TMEM116: variants seen among roughly 807,000 people sequenced by gnomAD.
TMEM116 encodes the protein transmembrane protein 116.
In TMEM116, 38 loss-of-function variants were observed where a neutral mutation model predicts 44.3. The ratio of observed to expected loss-of-function variants is 0.86; its 90% confidence interval spans 0.66 to 1.12. The LOEUF (loss-of-function observed/expected upper bound fraction) is 1.12, where lower values mean the gene tolerates loss of function less well. TMEM116 is among the 50% of genes most tolerant of loss of function. The pLI, the probability that TMEM116 is intolerant of heterozygous loss-of-function variation, is 0.00. For missense variants in TMEM116, 354 were observed against 401.7 expected (o/e 0.88, Z 1.01); for synonymous variants, 132 against 144.8 (o/e 0.91, Z 0.64).
intron 4 of TMEM116, among the ~76,000 whole-genome samples, chr12:111,963,507 G>A (rs1444251053): frequency 2.0e-5 from 3 of 152,180 alleles, no homozygotes; most frequent in Non-Finnish European, 4.4e-5. Flanking sequence ...AAAGGGATGA[G>A]TTTATGTCCT....
intron 3 of TMEM116, among the ~76,000 whole-genome samples, chr12:111,996,604 A>C (rs1408010552): frequency 6.6e-6 from 1 of 152,212 alleles, no homozygotes; most frequent in Non-Finnish European, 1.5e-5. Flanking sequence ...AAAGAGTTTG[A>C]CATTAATTTA....
chr12:111,992,958 G>A (rs1184214704), intron 3 of TMEM116: 1 of 154,814 alleles, frequency 6.5e-6, no homozygotes, highest in East Asian at 1.9e-4. Context: ...CAATCCAAGG[G>A]AGTAACAGTG....
At chr12:111,963,867 A>G (rs2074792193) in intron 4 of TMEM116, among the ~76,000 whole-genome samples, 4 of 152,200 alleles carry the variant, frequency 2.6e-5, no homozygotes, top group African/African-American at 4.8e-5. Flanking sequence ...TTAGTTTTTC[A>G]TATGATTAAA....
intron 4 of TMEM116, among the ~76,000 whole-genome samples, chr12:111,969,892 T>A (rs902645251): frequency 1.3e-5 from 2 of 152,140 alleles, no homozygotes; most frequent in African/African-American, 2.4e-5. Flanking sequence ...AGATTTTTTT[T>A]AAATCTCTAA....
intron 9 of TMEM116, among the ~76,000 whole-genome samples, chr12:111,933,559 G>A (rs2071846899): frequency 6.7e-6 from 1 of 149,804 alleles, no homozygotes; most frequent in African/African-American, 2.5e-5. Context: ...TGCAATCTTG[G>A]CTCACTGCAA....
intron 4 of TMEM116, among the ~76,000 whole-genome samples, chr12:111,947,439 T>TTATA (rs2073376250): frequency 6.6e-6 from 1 of 152,212 alleles, no homozygotes; most frequent in South Asian, 2.1e-4. Context: ...AGATGTCAAA[T>TTATA]TATATGGAAA....
At position 111,975,327 on chromosome 12, in the gene TMEM116, A is replaced by ATT. The variant is rs60077794; in HGVS notation, c.210+16429_210+16430dup. Among the ~76,000 whole-genome samples the ATT allele has an allele frequency of 5.3e-5, 8 of 151,366 alleles. No individual in the cohort carries two copies. In the East Asian group the frequency reaches 9.7e-4, roughly 18 times the overall value. ...GCAAGCCCAGCTTATATATACAAAC[A>ATT]TTTTTTTTTGTAGAGACAGGGTCTC... On this transcript the variant is annotated intron_variant, in intron 4 of 10. Coordinates refer to ENST00000552374, the MANE Select transcript of TMEM116 (RefSeq NM_001193531.2).
chr12:111,933,607 G>C (rs1479167697), intron 9 of TMEM116, among the ~76,000 whole-genome samples: 1 of 150,212 alleles, frequency 6.7e-6, no homozygotes, highest in African/African-American at 2.5e-5. Context: ...TCCTGCCTCA[G>C]CCTCCCAAGT....
rs142590277 is a variant in TMEM116 at position 111,954,857 on chromosome 12, G to A, written c.211-11488C>T. On this transcript the variant is annotated intron_variant, in intron 4 of 10. Transcript: ENST00000552374. ...GGAAAGGCTGACTGGGACAGTGTCT[G>A]GCATTGTTTTTTCTGTATCTTGTTT... 2.7e-3 allele frequency among the ~76,000 whole-genome samples: 404 copies of A among 152,320 alleles called. 6 individuals carry two copies. The highest frequency in any genetic ancestry group is 9.5e-3 in the African/African-American group (395 of 41,566).
chr12:111,941,916 A>T (rs1337064630), intron 5 of TMEM116, among the ~76,000 whole-genome samples: 3 of 152,040 alleles, frequency 2.0e-5, no homozygotes, highest in Non-Finnish European at 4.4e-5. Flanking sequence ...GATCACATAG[A>T]CTAACATTTC....
At chr12:111,949,470 A>C (rs985444182) in intron 4 of TMEM116, among the ~76,000 whole-genome samples, 3 of 152,332 alleles carry the variant, frequency 2.0e-5, no homozygotes. Context: ...TTGGCTTCCT[A>C]GACTTAAGAA....
chr12:111,999,210 T>G (rs1236045024), intron 3 of TMEM116, among the ~76,000 whole-genome samples: 1 of 150,434 alleles, frequency 6.6e-6, no homozygotes, highest in African/African-American at 2.5e-5. Flanking sequence ...CACATATATA[T>G]ACATTTGTAT....
intron 4 of TMEM116, 44 bp from the exon 5 acceptor site, chr12:111,943,413 ACACT>A: frequency 7.2e-7 from 1 of 1,385,234 alleles, no homozygotes; most frequent in Non-Finnish European, 1.0e-6. Flanking sequence ...TCTCACTCTG[ACACT>A]GTGAAGTTCT....
chr12:111,971,607 G>C (rs930623173), intron 4 of TMEM116, among the ~76,000 whole-genome samples: 5 of 148,738 alleles, frequency 3.4e-5, no homozygotes, highest in African/African-American at 1.2e-4. Context: ...AAGGAAAAGG[G>C]AACAAAAAAC....
chr12:111,979,585 T>G (rs2075840278), intron 4 of TMEM116, among the ~76,000 whole-genome samples: 1 of 152,168 alleles, frequency 6.6e-6, no homozygotes, highest in African/African-American at 2.4e-5. Flanking sequence ...TAAATGCTGC[T>G]CAATTGTTCA....
intron 1 of TMEM116, among the ~76,000 whole-genome samples, chr12:112,009,996 A>G (rs1271539171): frequency 6.6e-6 from 1 of 152,212 alleles, no homozygotes; most frequent in Admixed American, 6.5e-5. Context: ...AGAAATTTTA[A>G]AACTCTTAAT....
At chr12:111,991,524 G>GAAA (rs397956051) in intron 4 of TMEM116, among the ~76,000 whole-genome samples, 3 of 83,346 alleles carry the variant, frequency 3.6e-5, no homozygotes, top group Non-Finnish European at 8.0e-5. Flanking sequence ...CTCTGTCTCA[G>GAAA]AAAAAAAAAA....
intron 5 of TMEM116, among the ~76,000 whole-genome samples, chr12:111,939,093 CCT>C (rs1024990006): frequency 1.3e-5 from 2 of 152,232 alleles, no homozygotes; most frequent in African/African-American, 4.8e-5. Flanking sequence ...TTTATTCTTT[CCT>C]CTGTCAGGTG....
intron 4 of TMEM116, among the ~76,000 whole-genome samples, chr12:111,969,476 T>C (rs2075199878): frequency 6.6e-6 from 1 of 151,444 alleles, no homozygotes; most frequent in East Asian, 1.9e-4. Flanking sequence ...CTCACAACCA[T>C]CTCCGTCTCC....
Sources: gnomAD v4.1 joint callset for allele counts (sites outside exome capture counted in the v4.1 genomes callset) on GRCh38, gnomAD v4.1.1 for gene constraint, MANE v1.5 for transcripts, NCBI Gene and HGNC (gene_info 2026-07-23, HGNC 2026-07-21) for gene names.